Variants in PSEN2 observed in about 807,000 individuals in gnomAD.
The protein encoded by PSEN2 is presenilin 2.
In PSEN2, 32 loss-of-function variants were observed where a neutral mutation model predicts 49.1. That is an observed-to-expected ratio of 0.65 (90% confidence interval 0.49 to 0.88). The LOEUF (loss-of-function observed/expected upper bound fraction) is 0.88, where lower values mean the gene tolerates loss of function less well. Ranked by LOEUF, PSEN2 falls within the 40% of genes least tolerant of loss-of-function variation. The pLI is 0.00. For missense variants in PSEN2, 522 were observed against 586.9 expected (o/e 0.89, Z 1.14); for synonymous variants, 255 against 244.0 (o/e 1.05, Z -0.42).
intron 12 of PSEN2, among the ~76,000 whole-genome samples, chr1:226,902,818 C>G (rs536874491): frequency 6.6e-6 from 1 of 152,254 alleles, no homozygotes; most frequent in Non-Finnish European, 1.5e-5. Flanking sequence ...CAGCAAGGGC[C>G]TACAGCTGCC....
downstream of PSEN2, among the ~76,000 whole-genome samples, chr1:226,896,308 C>G (rs182900763): frequency 2.6e-5 from 4 of 152,296 alleles, no homozygotes; most frequent in Admixed American, 2.6e-4. Context: ...ATCTGCCAGC[C>G]CTGAGCTGTA....
In PSEN2 at chr1:226,871,777, C is replaced by T. The variant is rs191334283; in HGVS notation, c.-207+373C>T. ...AGACCTTTGGCGGTAATTGGAGTCT[C>T]GGGATAAGCTGCTTCAGGTGTGTGA... On this transcript the variant is annotated intron_variant, in intron 2 of 12. Coordinates refer to ENST00000366783, the MANE Select transcript of PSEN2 (RefSeq NM_000447.3). Among the ~76,000 whole-genome samples the T allele has an allele frequency of 1.0e-3, 154 of 152,344 alleles. 1 individual carries two copies. Among genetic ancestry groups the T allele is most frequent in the Non-Finnish European group, 2.6e-4 (18 of 68,030 alleles).
At chr1:226,887,736 C>G (rs752290570) in intron 6 of PSEN2, among the ~76,000 whole-genome samples, 1 of 152,172 alleles carries the variant, frequency 6.6e-6, no homozygotes, top group Non-Finnish European at 1.5e-5. Context: ...ACACAATGCC[C>G]GTGGGCAGAG....
intron 9 of PSEN2, chr1:226,891,046 G>T: frequency 3.5e-6 from 2 of 572,888 alleles, no homozygotes; most frequent in African/African-American, 1.9e-5. Context: ...TGATAGACCT[G>T]GTTCTTATGC....
chr1:226,876,982 T>C (rs897911762), intron 3 of PSEN2, among the ~76,000 whole-genome samples: 1 of 152,068 alleles, frequency 6.6e-6, no homozygotes, highest in East Asian at 1.9e-4. Flanking sequence ...ATTTTTCCAC[T>C]CCTCCTCCTC....
In PSEN2 at chr1:226,895,560, C is replaced by G. The variant is rs1219418229; in HGVS notation, c.1328C>G (p.Ser443Cys). ...CGGCCGTTCATGGACACCCTGGCCT[C>G]CCATCAGCTCTACATCTGAGGGACA... ...LVRPFMDTLA[S>C]HQLYI Residue 443 changes from serine (S) to cysteine (C), a missense_variant, in exon 13 of 13, where the codon TCC becomes TGC. Ser to Cys is a moderately radical substitution (Grantham distance 112). Transcript: ENST00000366783. 6.2e-7 allele frequency: 1 copy of G among 1,612,950 alleles called. No individual in the cohort carries two copies. The highest frequency in any genetic ancestry group is 1.7e-5 in the Admixed American group (1 of 59,884).
chr1:226,879,128 T>C (rs982803327), intron 3 of PSEN2, among the ~76,000 whole-genome samples: 3 of 152,312 alleles, frequency 2.0e-5, no homozygotes, highest in Middle Eastern at 3.4e-3. Flanking sequence ...TGCCTCAGCC[T>C]CCCAAACTGT....
intron 5 of PSEN2, among the ~76,000 whole-genome samples, chr1:226,885,019 C>T (rs1027074027): frequency 6.6e-6 from 1 of 152,094 alleles, no homozygotes; most frequent in Non-Finnish European, 1.5e-5. Flanking sequence ...AGAATGCAGC[C>T]AGCGGTTTGT....
intron 6 of PSEN2, among the ~76,000 whole-genome samples, chr1:226,887,543 C>T (rs372265851): frequency 2.0e-5 from 3 of 152,126 alleles, no homozygotes; most frequent in East Asian, 1.9e-4. Context: ...TGAGGACCTG[C>T]TTGTAGACCT....
At chr1:226,880,821 C>T in intron 3 of PSEN2, 1 of 1,574,376 alleles carries the variant, frequency 6.4e-7, no homozygotes, top group Non-Finnish European at 8.6e-7. Flanking sequence ...CCTTGGCCTT[C>T]CCCTGGGTCC....
chr1:226,871,709 T>C (rs1446530289), intron 2 of PSEN2, among the ~76,000 whole-genome samples: 2 of 152,258 alleles, frequency 1.3e-5, no homozygotes, highest in Non-Finnish European at 2.9e-5. Context: ...GATGCCTCTG[T>C]AGCCAATTCT....
intron 2 of PSEN2, among the ~76,000 whole-genome samples, chr1:226,875,030 C>T (rs1660545804): frequency 6.6e-6 from 1 of 152,140 alleles, no homozygotes; most frequent in Admixed American, 6.5e-5. Context: ...CTGCCTGGGC[C>T]CCAGGCACTT....
intron 5 of PSEN2, among the ~76,000 whole-genome samples, chr1:226,885,239 G>A (rs76732250): frequency 0.053 from 8,124 of 151,862 alleles, 689 homozygotes; most frequent in African/African-American, 0.18. Context: ...AGTGCCTAGG[G>A]AGCCTTTAAT....
In PSEN2 at chr1:226,885,604, C is replaced by T. The variant is rs116003409; in HGVS notation, c.423C>T (p.Asn141=). Residue 141 remains asparagine, a synonymous_variant, in exon 6 of 13, where the codon AAC becomes AAT. Transcript: ENST00000366783. The part of the protein sequence containing the change: ...VGQRLLNSVL[N]TLIMISVIVV... ...AGCGCCTCCTCAACTCCGTGCTGAA[C>T]ACCCTCATCATGATCAGCGTCATCG... The T allele has an allele frequency of 8.1e-4, 1,311 of 1,613,844 alleles. 19 individuals carry two copies. In the African/African-American group the frequency reaches 0.016, roughly 20 times the overall value.
intron 6 of PSEN2, 22 bp downstream of exon 6, chr1:226,885,701 C>T: frequency 6.2e-7 from 1 of 1,604,082 alleles, no homozygotes; most frequent in Non-Finnish European, 8.5e-7. Context: ...GCCCTGCCCT[C>T]CAGCCACGCT....
chr1:226,871,861 A>C (rs1175198499), intron 2 of PSEN2, among the ~76,000 whole-genome samples: 4 of 152,256 alleles, frequency 2.6e-5, no homozygotes, highest in African/African-American at 9.6e-5. Flanking sequence ...GCGCAGGTGC[A>C]GAAGGGGCCT....
chr1:226,882,880 T>C (rs964686596), intron 4 of PSEN2, among the ~76,000 whole-genome samples: 2 of 152,230 alleles, frequency 1.3e-5, no homozygotes, highest in African/African-American at 4.8e-5. Context: ...TCATGAGTAG[T>C]CTTCTTTCTT....
chr1:226,891,903 G>T (rs1661782864), intron 11 of PSEN2, 59 bp downstream of exon 11: 1 of 1,493,158 alleles, frequency 6.7e-7, no homozygotes. Context: ...GAGACAGAGG[G>T]TGGAGGCTCC....
At position 226,889,006 on chromosome 1, in the gene PSEN2, A is replaced by G. The variant is rs145400391; in HGVS notation, c.744A>G (p.Pro248=). The G allele has an allele frequency of 2.5e-6, 4 of 1,614,022 alleles. No homozygotes were observed. In the African/African-American group the frequency reaches 4.0e-5, roughly 16 times the overall value. ...CCCTAGTGTTCATCAAGTACCTCCC[A>G]GAGTGGTCCGCGTGGGTCATCCTGG... ...LMALVFIKYL[P]EWSAWVILGA... The change falls in exon 8 of 13, where the codon CCA becomes CCG. Residue 248 remains proline (P), a synonymous_variant. Transcript: ENST00000366783.
Sources: allele counts gnomAD v4.1 joint callset (sites outside exome capture counted in the v4.1 genomes callset), GRCh38; gene constraint gnomAD v4.1.1; transcripts MANE v1.5; gene names NCBI Gene and HGNC (gene_info 2026-07-23, HGNC 2026-07-21).